Variants in N4BP1 observed in about 807,000 individuals in gnomAD.
The protein encoded by N4BP1 is NEDD4-binding protein 1.
In N4BP1, 21 loss-of-function variants were observed where a neutral mutation model predicts 70.9. The ratio of observed to expected loss-of-function variants is 0.30; its 90% CI spans 0.21 to 0.43. N4BP1 has a LOEUF of 0.43. Ranked by LOEUF, N4BP1 falls within the 20% of genes least tolerant of loss-of-function variation. The pLI is 1.00. For synonymous variants in N4BP1, 387 were observed against 394.6 expected (o/e 0.98, Z 0.23); for missense variants, 936 against 1,069.4 (o/e 0.88, Z 1.74).
Position 48,561,741 on chromosome 16 carries a change from A to G in N4BP1, c.902T>C (p.Leu301Ser). ...EERHTKKQFSLENVQEGEILH... is the reference protein window; with the variant it reads ...EERHTKKQFSSENVQEGEILH... ...AATCTCCCCCTCCTGAACATTTTCC[A>G]AAGAAAACTGCTTCTTCGTATGCCT... The change falls in exon 2 of 7, where the codon TTG (leucine) becomes TCG (serine). Residue 301 changes from leucine to serine, a missense_variant. Leu to Ser is a moderately radical substitution (Grantham distance 145). Coordinates refer to ENST00000262384, the MANE Select transcript of N4BP1 (RefSeq NM_153029.4). The G allele has an allele frequency of 5.6e-6, 9 of 1,612,366 alleles. No individual in the cohort carries two copies. The highest frequency in any genetic ancestry group is 7.6e-6 in the Non-Finnish European group (9 of 1,179,870).
In N4BP1 at chr16:48,543,212, G is replaced by T; in HGVS notation, c.2383C>A (p.Pro795Thr). The T allele has an allele frequency of 6.4e-7, 1 of 1,563,306 alleles. No individual in the cohort carries two copies. The highest frequency in any genetic ancestry group is 8.7e-7 in the Non-Finnish European group (1 of 1,152,802). Residue 795 changes from proline to threonine, a missense_variant, in exon 7 of 7, where the codon CCC becomes ACC. Pro to Thr is a conservative substitution (Grantham distance 38, BLOSUM62 -1). Transcript: ENST00000262384. ...TGGGTGCCAGGGACTCTGAAGCTGG[G>T]GTCAAACATGCCCACATTTGGCAGG... The part of the protein sequence containing the change: ...SALPNVGMFD[P>T]SFRVPGTQAA...
intron 2 of N4BP1, among the ~76,000 whole-genome samples, chr16:48,554,195 GAACAGC>G (rs369246481): frequency 6.6e-6 from 1 of 151,016 alleles, no homozygotes; most frequent in African/African-American, 2.4e-5. Flanking sequence ...AAAATTAAAA[GAACAGC>G]AACAACAACA....
At chr16:48,600,293 C>A in intron 1 of N4BP1, 2 of 1,129,086 alleles carry the variant, frequency 1.8e-6, no homozygotes, top group Non-Finnish European at 2.6e-6. Flanking sequence ...AAAAGAAGCA[C>A]AATCCTTGCA....
rs746518116 is a variant in N4BP1, at chr16:48,561,823, C to G, written c.820G>C (p.Glu274Gln). The change falls in exon 2 of 7, where the codon GAG (glutamate) becomes CAG (glutamine). Residue 274 changes from glutamate (E) to glutamine (Q), a missense_variant. By Grantham distance (29) the Glu-to-Gln change is conservative (BLOSUM62 2). Transcript: ENST00000262384. ...DPINGLTPDE[E>Q]ALSNERICQK... ...CAAATTCTCTCATTGGAAAGTGCCT[C>G]TTCATCTGGGGTTAGACCATTTATT... 1 of 1,613,782 alleles carries G rather than the reference C, an allele frequency of 6.2e-7. No homozygotes were observed. The highest frequency in any genetic ancestry group is 1.1e-5 in the South Asian group (1 of 91,082).
chr16:48,574,228 C>T (rs533970889), intron 1 of N4BP1, among the ~76,000 whole-genome samples: 2 of 152,298 alleles, frequency 1.3e-5, no homozygotes, highest in South Asian at 2.1e-4. Flanking sequence ...TATTTTGGTA[C>T]ACTTCCCACC....
intron 1 of N4BP1, among the ~76,000 whole-genome samples, chr16:48,583,775 C>T (rs1456512253): frequency 1.3e-5 from 2 of 152,160 alleles, no homozygotes; most frequent in Non-Finnish European, 2.9e-5. Flanking sequence ...GTCATGCTTA[C>T]ATAACTTCAA....
intron 1 of N4BP1, among the ~76,000 whole-genome samples, chr16:48,585,203 G>C (rs1416412034): frequency 2.6e-5 from 4 of 151,924 alleles, no homozygotes; most frequent in African/African-American, 9.7e-5. Flanking sequence ...AAAGTGCTAG[G>C]ATTACAGGCG....
chr16:48,605,004 T>C (rs576446302), intron 1 of N4BP1, among the ~76,000 whole-genome samples: 1 of 152,186 alleles, frequency 6.6e-6, no homozygotes, highest in African/African-American at 2.4e-5. Context: ...CATTCTGAGT[T>C]TGTGGTTCTT....
intron 1 of N4BP1, among the ~76,000 whole-genome samples, chr16:48,595,596 T>G (rs1954398688): frequency 6.6e-6 from 1 of 152,164 alleles, no homozygotes; most frequent in Non-Finnish European, 1.5e-5. Context: ...ATTTGGAAAC[T>G]ATTTGTATTT....
chr16:48,548,323 T>C (rs936914983), intron 4 of N4BP1, among the ~76,000 whole-genome samples: 6 of 152,236 alleles, frequency 3.9e-5, no homozygotes, highest in Non-Finnish European at 8.8e-5. Flanking sequence ...ACAAAATAGA[T>C]TGTCTTTCAT....
At chr16:48,609,679 C>A (rs1597118896) in intron 1 of N4BP1, 96 bp downstream of exon 1, 5 of 1,073,716 alleles carry the variant, frequency 4.7e-6, no homozygotes, top group South Asian at 6.9e-5. Flanking sequence ...CCAACCCAGG[C>A]GCATCGCGGC....
chr16:48,548,851 A>T (rs1963626802), intron 4 of N4BP1, among the ~76,000 whole-genome samples: 2 of 152,028 alleles, frequency 1.3e-5, no homozygotes, highest in African/African-American at 4.8e-5. Context: ...AAAAAAAAAA[A>T]AAAAAAATTC....
intron 3 of N4BP1, among the ~76,000 whole-genome samples, chr16:48,553,088 C>T (rs1963699717): frequency 6.6e-6 from 1 of 152,080 alleles, no homozygotes; most frequent in Admixed American, 6.5e-5. Context: ...ATAATAAGTT[C>T]AAATCTTTCG....
intron 6 of N4BP1, among the ~76,000 whole-genome samples, chr16:48,543,805 GC>G (rs1400305544): frequency 2.6e-5 from 4 of 152,168 alleles, no homozygotes; most frequent in Admixed American, 2.6e-4. Flanking sequence ...ACTGGACTCG[GC>G]CTGCAGGCGA....
Position 48,542,827 on chromosome 16 carries a change from C to T in N4BP1, c.*77G>A. ...GAAATAAGTTTCTTCACATTATGTT[C>T]ATTCCCATCAGGTACAGGTGTGAGC... is the stretch of plus-strand genomic sequence containing the variant. On this transcript the variant is annotated 3_prime_UTR_variant, in exon 7 of 7. Coordinates refer to ENST00000262384, the MANE Select transcript of N4BP1 (RefSeq NM_153029.4). 1 of 1,241,344 alleles carries T rather than the reference C, an allele frequency of 8.1e-7. No homozygotes were observed. Among genetic ancestry groups the T allele is most frequent in the Non-Finnish European group, 1.1e-6 (1 of 892,590 alleles). The allele number at this position is 1,241,344 out of a possible 1,614,324, so 76.9% of individuals were successfully genotyped here.
intron 1 of N4BP1, among the ~76,000 whole-genome samples, chr16:48,580,688 T>C (rs933051884): frequency 6.6e-6 from 1 of 152,102 alleles, no homozygotes; most frequent in African/African-American, 2.4e-5. Flanking sequence ...CAACAAAATA[T>C]AGTTGGCCTT....
intron 1 of N4BP1, among the ~76,000 whole-genome samples, chr16:48,586,722 T>A (rs962584347): frequency 3.9e-5 from 6 of 152,244 alleles, no homozygotes; most frequent in Non-Finnish European, 7.3e-5. Flanking sequence ...GATTTGTTTT[T>A]ATCACCTTAT....
intron 1 of N4BP1, among the ~76,000 whole-genome samples, chr16:48,587,778 G>A (rs1037580253): frequency 6.6e-6 from 1 of 152,216 alleles, no homozygotes; most frequent in African/African-American, 2.4e-5. Flanking sequence ...TGTAGTTCAT[G>A]TGTTGAACTC....
At position 48,577,227 on chromosome 16, in the gene N4BP1, T is replaced by C. The variant is rs567848814; in HGVS notation, c.199-14783A>G. On this transcript the variant is annotated intron_variant, in intron 1 of 6. Coordinates refer to ENST00000262384, the MANE Select transcript of N4BP1 (RefSeq NM_153029.4). ...TTGTATTCATTCTGCTTGGACTGTA[T>C]GTAACATGACCAACTTCCCCATGAC... Among the ~76,000 whole-genome samples the C allele has an allele frequency of 2.6e-4, 40 of 152,272 alleles. 1 individual carries two copies. Among genetic ancestry groups the C allele is most frequent in the South Asian group, 1.2e-3 (6 of 4,822 alleles).
Sources: gnomAD v4.1 joint callset for allele counts (sites outside exome capture counted in the v4.1 genomes callset) on GRCh38, gnomAD v4.1.1 for gene constraint, MANE v1.5 for transcripts, NCBI Gene and HGNC (gene_info 2026-07-23, HGNC 2026-07-21) for gene names.